CDH12: variants seen among roughly 807,000 people sequenced by gnomAD.
CDH12 encodes the protein cadherin 12.
A neutral mutation model predicts 74.1 loss-of-function variants in CDH12; 41 were observed. The observed-to-expected ratio is 0.55, with a 90% CI of 0.43 to 0.72. The LOEUF is 0.72. Ranked by LOEUF, CDH12 falls within the 30% of genes least tolerant of loss-of-function variation. CDH12 has a pLI of 0.00. For synonymous variants in CDH12, 399 were observed against 355.0 expected, an observed-to-expected ratio of 1.12 and a Z score of -1.39; for missense variants, 945 against 977.2, an observed-to-expected ratio of 0.97 and a Z score of 0.44.
At chr5:22,306,548 GT>G (rs1219694943) in intron 3 of CDH12, among the ~76,000 whole-genome samples, 4 of 152,062 alleles carry the variant, frequency 2.6e-5, no homozygotes, top group Non-Finnish European at 5.9e-5. Flanking sequence ...ACTTTTCTGA[GT>G]TTTTTTAACC....
At chr5:22,626,743 A>G (rs1350452242) in intron 1 of CDH12, among the ~76,000 whole-genome samples, 1 of 152,212 alleles carries the variant, frequency 6.6e-6, no homozygotes. Context: ...GTTCTTACAC[A>G]GGCTGAAATG....
chr5:22,251,269 A>G (rs1753120858), intron 3 of CDH12, among the ~76,000 whole-genome samples: 1 of 152,200 alleles, frequency 6.6e-6, no homozygotes, highest in Admixed American at 6.5e-5. Flanking sequence ...GGATCAGCTG[A>G]TGGACAGTCT....
In CDH12 at chr5:22,545,926, TTTGTTG is replaced by T. The variant is rs57476797; in HGVS notation, c.-522-40568_-522-40563del. Among the ~76,000 whole-genome samples the T allele has an allele frequency of 6.6e-4, 100 of 151,334 alleles. 1 individual carries two copies. Among genetic ancestry groups the T allele is most frequent in the Middle Eastern group, 3.4e-3 (1 of 292 alleles). ...TAATGTCACTTAAACTGTCTAGATT[TTTGTTG>T]TTGTTGTTGTTGTTGTTGTTGTTGC... On this transcript the variant is annotated intron_variant, in intron 1 of 14. Coordinates refer to ENST00000382254, the MANE Select transcript of CDH12 (RefSeq NM_004061.5).
intron 3 of CDH12, among the ~76,000 whole-genome samples, chr5:22,286,874 T>C (rs1737155065): frequency 6.6e-6 from 1 of 152,178 alleles, no homozygotes; most frequent in Non-Finnish European, 1.5e-5. Context: ...CTGAGACATT[T>C]ATGAAGTAAT....
intron 1 of CDH12, among the ~76,000 whole-genome samples, chr5:22,571,890 A>C (rs1739560167): frequency 6.6e-6 from 1 of 152,206 alleles, no homozygotes; most frequent in Non-Finnish European, 1.5e-5. Context: ...GTAACATCAA[A>C]AATCACTGAA....
chr5:22,358,630 A>C (rs980716213), intron 3 of CDH12, among the ~76,000 whole-genome samples: 1 of 152,192 alleles, frequency 6.6e-6, no homozygotes, highest in Non-Finnish European at 1.5e-5. Context: ...AATGTGGCCC[A>C]GGGCCTATTG....
intron 4 of CDH12, among the ~76,000 whole-genome samples, chr5:22,091,959 T>A (rs574104358): frequency 1.5e-4 from 23 of 152,042 alleles, no homozygotes; most frequent in South Asian, 8.3e-4. Context: ...GTCTTTTTTT[T>A]ATGTGGATAT....
Position 22,391,558 on chromosome 5 carries a change from C to A in CDH12, c.-333+13699G>T, listed in dbSNP as rs560522698. 7.2e-5 allele frequency among the ~76,000 whole-genome samples: 11 copies of A among 151,908 alleles called. No individual in the cohort carries two copies. The South Asian group carries it at 1.9e-3, about 26-fold the overall frequency. On this transcript the variant is annotated intron_variant, in intron 3 of 14. Coordinates refer to ENST00000382254, the MANE Select transcript of CDH12 (RefSeq NM_004061.5). The stretch of plus-strand genomic sequence containing the variant: ...CTTTTTTGCCTAGTCATTTTTTATG[C>A]CAATACGTTAAGTATTTTATAAATA...
intron 1 of CDH12, among the ~76,000 whole-genome samples, chr5:22,536,428 C>A (rs1233267574): frequency 6.6e-6 from 1 of 151,682 alleles, no homozygotes; most frequent in Non-Finnish European, 1.5e-5. Context: ...TTGTTGTGGT[C>A]GTGGTGGTGG....
intron 2 of CDH12, among the ~76,000 whole-genome samples, chr5:22,480,315 G>C (rs1258929847): frequency 6.6e-6 from 1 of 151,696 alleles, no homozygotes; most frequent in Admixed American, 6.6e-5. Flanking sequence ...GAGTGTGGTG[G>C]CTCACGCCTG....
chr5:22,196,622 C>T (rs1750633829), intron 4 of CDH12, among the ~76,000 whole-genome samples: 1 of 152,106 alleles, frequency 6.6e-6, no homozygotes, highest in African/African-American at 2.4e-5. Context: ...CCCTCATTTG[C>T]TCTCATCAAA....
chr5:22,657,108 T>C (rs1740081694), intron 1 of CDH12, among the ~76,000 whole-genome samples: 1 of 152,316 alleles, frequency 6.6e-6, no homozygotes, highest in East Asian at 1.9e-4. Context: ...GAACTATTTC[T>C]AGATGAAACA....
At chr5:22,699,056 G>A (rs569199650) in intron 1 of CDH12, among the ~76,000 whole-genome samples, 1 of 152,040 alleles carries the variant, frequency 6.6e-6, no homozygotes, top group South Asian at 2.1e-4. Context: ...AGTCATGCAA[G>A]CAAGGAAGAA....
At chr5:21,803,077 A>T (rs892685842) in intron 9 of CDH12, among the ~76,000 whole-genome samples, 4 of 152,146 alleles carry the variant, frequency 2.6e-5, no homozygotes, top group Admixed American at 2.6e-4. Context: ...CTTATCCAAT[A>T]CTGACATCTA....
At chr5:21,844,233 T>C (rs1356887513) in intron 7 of CDH12, among the ~76,000 whole-genome samples, 2 of 152,020 alleles carry the variant, frequency 1.3e-5, no homozygotes, top group Non-Finnish European at 2.9e-5. Flanking sequence ...AAAAATGGGG[T>C]ACTATGAAAA....
intron 3 of CDH12, among the ~76,000 whole-genome samples, chr5:22,314,531 A>C (rs965894651): frequency 6.6e-6 from 1 of 152,178 alleles, no homozygotes; most frequent in East Asian, 1.9e-4. Context: ...GGTTCCCAAA[A>C]CTGTGAGAAA....
chr5:22,755,821 C>G (rs1478059531), intron 1 of CDH12, among the ~76,000 whole-genome samples: 1 of 151,868 alleles, frequency 6.6e-6, no homozygotes, highest in Non-Finnish European at 1.5e-5. Flanking sequence ...CAAACAATAA[C>G]AAGGAAGTTA....
intron 7 of CDH12, among the ~76,000 whole-genome samples, chr5:21,851,137 A>G (rs1467931427): frequency 6.6e-6 from 1 of 151,222 alleles, no homozygotes; most frequent in Non-Finnish European, 1.5e-5. Context: ...AGTAGAGCTC[A>G]GATCATTTAG....
At chr5:22,363,483 G>A (rs528096242) in intron 3 of CDH12, among the ~76,000 whole-genome samples, 3 of 152,036 alleles carry the variant, frequency 2.0e-5, no homozygotes, top group South Asian at 4.1e-4. Context: ...CCTATTAAAC[G>A]GCATGAAGAA....
Sources: gnomAD v4.1 joint callset for allele counts (sites outside exome capture counted in the v4.1 genomes callset) on GRCh38, gnomAD v4.1.1 for gene constraint, MANE v1.5 for transcripts, NCBI Gene and HGNC (gene_info 2026-07-23, HGNC 2026-07-21) for gene names.